Variants in KHDRBS2 observed in about 807,000 individuals in gnomAD.
The protein encoded by KHDRBS2 is KH RNA binding domain containing, signal transduction associated 2.
In KHDRBS2, 26 loss-of-function variants were observed where a neutral mutation model predicts 44.3. The observed-to-expected ratio is 0.59, with a 90% CI of 0.43 to 0.81. KHDRBS2 has a LOEUF of 0.81. Among genes scored for constraint, KHDRBS2 ranks in the 40% least tolerant of loss-of-function variants. The pLI is 0.00. For missense variants in KHDRBS2, 476 were observed against 433.1 expected, an observed-to-expected ratio of 1.10 and a Z score of -0.88; for synonymous variants, 194 against 151.1, an observed-to-expected ratio of 1.28 and a Z score of -2.08.
intron 4 of KHDRBS2, among the ~76,000 whole-genome samples, chr6:61,908,035 G>A (rs1426999918): frequency 6.6e-6 from 1 of 152,270 alleles, no homozygotes; most frequent in African/African-American, 2.4e-5. Flanking sequence ...ATATGAATGA[G>A]TGGTTATAGT....
chr6:61,861,620 C>T (rs753805834), intron 6 of KHDRBS2, among the ~76,000 whole-genome samples: 6 of 149,638 alleles, frequency 4.0e-5, no homozygotes, highest in Non-Finnish European at 5.9e-5. Flanking sequence ...TACTTGTAGC[C>T]GTGTAATATA....
chr6:61,823,079 C>G (rs1193615602), intron 6 of KHDRBS2, among the ~76,000 whole-genome samples: 1 of 151,860 alleles, frequency 6.6e-6, no homozygotes, highest in African/African-American at 2.4e-5. Flanking sequence ...TGGGGTCATT[C>G]TAGCTGATAG....
At chr6:61,672,948 T>C in the KHDRBS2 span, among the ~76,000 whole-genome samples, 37 of 152,144 alleles carry the variant, frequency 2.4e-4, no homozygotes, top group Admixed American at 2.4e-3. Flanking sequence ...TGGTAATGCC[T>C]AGGTTTTCTT....
chr6:61,711,594 C>T (rs1205656208), intron 7 of KHDRBS2, among the ~76,000 whole-genome samples: 2 of 151,790 alleles, frequency 1.3e-5, no homozygotes, highest in Admixed American at 6.6e-5. Context: ...GACATAGCCA[C>T]TTAAGAAAAC....
At chr6:61,640,241 G>A in the KHDRBS2 span, among the ~76,000 whole-genome samples, 6 of 152,092 alleles carry the variant, frequency 3.9e-5, no homozygotes, top group Non-Finnish European at 5.9e-5. Flanking sequence ...TTGCAGCAGA[G>A]TAAAGGGTAC....
intron 6 of KHDRBS2, among the ~76,000 whole-genome samples, chr6:61,827,326 T>C (rs1409642195): frequency 1.3e-5 from 2 of 152,164 alleles, no homozygotes; most frequent in Admixed American, 6.6e-5. Context: ...ACTAACTTTG[T>C]AGAAGTAGGG....
At chr6:61,546,475 T>G in the KHDRBS2 span, among the ~76,000 whole-genome samples, 1 of 152,108 alleles carries the variant, frequency 6.6e-6, no homozygotes, top group African/African-American at 2.4e-5. Context: ...GAAACCAATT[T>G]TACCATAGGC....
intron 1 of KHDRBS2, among the ~76,000 whole-genome samples, chr6:62,253,408 C>A (rs574171378): frequency 6.6e-6 from 1 of 152,060 alleles, no homozygotes; most frequent in African/African-American, 2.4e-5. Context: ...CAATGAGACC[C>A]ATCCCTAGGG....
At chr6:62,163,611 C>A (rs1818089034) in intron 2 of KHDRBS2, among the ~76,000 whole-genome samples, 1 of 152,010 alleles carries the variant, frequency 6.6e-6, no homozygotes, top group Admixed American at 6.6e-5. Context: ...CCTTTGAAAT[C>A]TTAGCAGTCT....
chr6:61,930,096 C>T (rs1809733513), intron 4 of KHDRBS2, among the ~76,000 whole-genome samples: 1 of 152,024 alleles, frequency 6.6e-6, no homozygotes, highest in South Asian at 2.1e-4. Context: ...TCATTGCCTT[C>T]CACCCCTTCT....
chr6:62,156,517 T>C (rs1816418870), intron 2 of KHDRBS2, among the ~76,000 whole-genome samples: 1 of 152,220 alleles, frequency 6.6e-6, no homozygotes, highest in Non-Finnish European at 1.5e-5. Context: ...TTTAAGACTG[T>C]ACAATGGGGA....
chr6:61,723,156 A>AAACC (rs77577480), intron 7 of KHDRBS2, among the ~76,000 whole-genome samples: 33 of 150,502 alleles, frequency 2.2e-4, no homozygotes, highest in Admixed American at 1.7e-3. Flanking sequence ...CTGACCATAA[A>AAACC]AAACAAACAA....
chr6:61,624,601 G>T, the KHDRBS2 span, among the ~76,000 whole-genome samples: 1 of 152,142 alleles, frequency 6.6e-6, no homozygotes, highest in Non-Finnish European at 1.5e-5. Context: ...TTCATTACAA[G>T]TATGGTACAA....
At position 61,695,049 on chromosome 6, in the gene KHDRBS2, C is replaced by T. The variant is rs1767757326; in HGVS notation, c.952+2146G>A. Among the ~76,000 whole-genome samples, 6 of 152,036 alleles carry T rather than the reference C, an allele frequency of 3.9e-5. No homozygotes were observed. The South Asian group carries it at 1.2e-3, about 32-fold the overall frequency. On this transcript the variant is annotated intron_variant, in intron 8 of 8. Coordinates refer to ENST00000281156, the MANE Select transcript of KHDRBS2 (RefSeq NM_152688.4). ...AAAATAGTATAAAAGATCTCCTTCCCCTTAAAATAGTGAAATAGCAAGTGA... is the reference window on the plus strand; with the variant it reads ...AAAATAGTATAAAAGATCTCCTTCCTCTTAAAATAGTGAAATAGCAAGTGA...
Position 61,920,987 on chromosome 6 carries a change from T to G in KHDRBS2, c.484-19616A>C, listed in dbSNP as rs558255327. Among the ~76,000 whole-genome samples the G allele has an allele frequency of 5.0e-4, 76 of 151,998 alleles. 2 individuals carry two copies. The South Asian group carries it at 0.016, about 31-fold the overall frequency. ...TATTCAGGGAAAGGAGGCAGGTGGATTACATATTTCAAAATCAGTTTAAAT... is the reference window on the plus strand; with the variant it reads ...TATTCAGGGAAAGGAGGCAGGTGGAGTACATATTTCAAAATCAGTTTAAAT... On this transcript the variant is annotated intron_variant, in intron 4 of 8. Coordinates refer to ENST00000281156, the MANE Select transcript of KHDRBS2 (RefSeq NM_152688.4).
chr6:61,740,441 G>A (rs966321962), intron 6 of KHDRBS2, among the ~76,000 whole-genome samples: 9 of 151,762 alleles, frequency 5.9e-5, no homozygotes, highest in Non-Finnish European at 1.2e-4. Context: ...ATATCTAGTC[G>A]ACAAAGAAGC....
intron 6 of KHDRBS2, among the ~76,000 whole-genome samples, chr6:61,747,739 A>G (rs2127567045): frequency 6.6e-6 from 1 of 152,298 alleles, no homozygotes; most frequent in East Asian, 1.9e-4. Context: ...TTGGAAATAT[A>G]TTAACAATGC....
At chr6:62,251,749 T>C (rs1836572409) in intron 1 of KHDRBS2, among the ~76,000 whole-genome samples, 1 of 152,082 alleles carries the variant, frequency 6.6e-6, no homozygotes, top group East Asian at 1.9e-4. Context: ...ACATTTGATG[T>C]AATCACACAA....
chr6:61,590,042 TA>T, the KHDRBS2 span, among the ~76,000 whole-genome samples: 7 of 151,438 alleles, frequency 4.6e-5, no homozygotes, highest in South Asian at 2.1e-4. Flanking sequence ...CATCTGCTGG[TA>T]AAAAAAAATA....
Sources: gnomAD v4.1 joint callset for allele counts (sites outside exome capture counted in the v4.1 genomes callset) on GRCh38, gnomAD v4.1.1 for gene constraint, MANE v1.5 for transcripts, NCBI Gene and HGNC (gene_info 2026-07-23, HGNC 2026-07-21) for gene names.